FBXL3: variants seen among roughly 807,000 people sequenced by gnomAD.
The protein encoded by FBXL3 is F-box and leucine rich repeat protein 3.
In FBXL3, 14 loss-of-function variants were observed where a neutral mutation model predicts 37.9. The observed-to-expected ratio is 0.37, with a 90% CI of 0.24 to 0.58. The LOEUF (loss-of-function observed/expected upper bound fraction) is 0.58. Ranked by LOEUF, FBXL3 falls within the 20% of genes least tolerant of loss-of-function variation. The pLI is 0.74. For missense variants in FBXL3, 327 were observed against 511.1 expected, an observed-to-expected ratio of 0.64 and a Z score of 3.47; for synonymous variants, 194 against 180.1, an observed-to-expected ratio of 1.08 and a Z score of -0.62.
In FBXL3 at chr13:77,027,121, GC is replaced by G. The variant is rs2034860283; in HGVS notation, c.-297del. 1 of 151,716 alleles carries G rather than the reference GC, an allele frequency of 6.6e-6. No individual in the cohort carries two copies. Among genetic ancestry groups the G allele is most frequent in the African/African-American group, 2.4e-5 (1 of 41,322 alleles). The allele number at this position is 151,716 out of a possible 1,614,324, so 9.4% of individuals were successfully genotyped here. Reference sequence around the variant, plus strand: ...ACTACCTCAGCGAGCGGCTGCCACCGCGTAAGCTTCCTGCACCTGGGCCACA... The same window carrying G: ...ACTACCTCAGCGAGCGGCTGCCACCGGTAAGCTTCCTGCACCTGGGCCACA... On this transcript the variant is annotated 5_prime_UTR_variant, in exon 1 of 5. Transcript: ENST00000355619.
intron 4 of FBXL3, chr13:77,009,575 G>GAATGGC (rs2034511528): frequency 6.6e-6 from 1 of 152,214 alleles, no homozygotes; most frequent in Non-Finnish European, 1.5e-5. Context: ...ACGCCAGTTA[G>GAATGGC]AATGGCAATC....
At chr13:77,026,728 CCCCCACCCCA>C (rs971647506) in intron 1 of FBXL3, 89 bp downstream of exon 1, 8 of 128,502 alleles carry the variant, frequency 6.2e-5, no homozygotes, top group Non-Finnish European at 1.2e-4. Context: ...CCCGCGCCCC[CCCCCACCCCA>C]CCCCACCCCG....
chr13:77,024,596 T>TA (rs1402890640), intron 1 of FBXL3, among the ~76,000 whole-genome samples: 2 of 152,314 alleles, frequency 1.3e-5, no homozygotes, highest in East Asian at 3.9e-4. Flanking sequence ...GTCCTAAAAA[T>TA]AGAAACTTTC....
At position 77,006,931 on chromosome 13, in the gene FBXL3, C is replaced by A; in HGVS notation, c.*214G>T. 1 of 1,360,040 alleles carries A rather than the reference C, an allele frequency of 7.4e-7. No individual in the cohort carries two copies. The highest frequency in any genetic ancestry group is 2.0e-5 in the South Asian group (1 of 50,676). The allele number at this position is 1,360,040 out of a possible 1,614,324, so 84.2% of individuals were successfully genotyped here. On this transcript the variant is annotated 3_prime_UTR_variant, in exon 5 of 5. Coordinates refer to ENST00000355619, the MANE Select transcript of FBXL3 (RefSeq NM_012158.4). ...CATCCGAACCACATTAAAAAAAATTCGGAGATATGACTGCTATTACACTAA... is the reference window on the plus strand; with the variant it reads ...CATCCGAACCACATTAAAAAAAATTAGGAGATATGACTGCTATTACACTAA...
intron 2 of FBXL3, among the ~76,000 whole-genome samples, chr13:77,019,793 G>A (rs1387500017): frequency 6.6e-6 from 1 of 151,894 alleles, no homozygotes; most frequent in Non-Finnish European, 1.5e-5. Context: ...GAAGAATCCT[G>A]TGATGTGACT....
At chr13:77,020,534 T>C (rs968812859) in intron 2 of FBXL3, among the ~76,000 whole-genome samples, 6 of 152,008 alleles carry the variant, frequency 3.9e-5, no homozygotes. Flanking sequence ...TAAGAACTAC[T>C]GTTCTGCCTA....
At chr13:77,026,394 T>C (rs73539775) in intron 1 of FBXL3, 26,723 of 984,616 alleles carry the variant, frequency 0.027, 519 homozygotes, top group African/African-American at 0.099. Flanking sequence ...CCTGGGCAGT[T>C]TGCTTTGACA....
Position 77,006,161 on chromosome 13 carries a change from C to T in FBXL3, c.*984G>A, listed in dbSNP as rs1483740976. 4 of 152,578 alleles carry T rather than the reference C, an allele frequency of 2.6e-5. No homozygotes were observed. The highest frequency in any genetic ancestry group is 2.1e-4 in the South Asian group (1 of 4,826). The allele number at this position is 152,578 out of a possible 1,614,324, so 9.5% of individuals were successfully genotyped here. ...TTATGATTTTTAAAAATTTTACTTA[C>T]ATAACTATGTAATTCCAAAATAGAA... On this transcript the variant is annotated 3_prime_UTR_variant, in exon 5 of 5. Coordinates refer to ENST00000355619, the MANE Select transcript of FBXL3 (RefSeq NM_012158.4).
chr13:77,006,667 A>G lies in FBXL3; in HGVS notation c.*478T>C. 1 of 292,888 alleles carries G rather than the reference A, an allele frequency of 3.4e-6. No individual in the cohort carries two copies. Among genetic ancestry groups the G allele is most frequent in the Non-Finnish European group, 5.1e-6 (1 of 195,918 alleles). The allele number at this position is 292,888 out of a possible 1,614,324, so 18.1% of individuals were successfully genotyped here. On this transcript the variant is annotated 3_prime_UTR_variant, in exon 5 of 5. Transcript: ENST00000355619. ...TGAGAACATTCATCCAATCTTTTCC[A>G]TTAGATATGATATATTCATTTTTCT...
intron 4 of FBXL3, chr13:77,014,564 G>A (rs1486788546): frequency 1.3e-5 from 2 of 152,208 alleles, no homozygotes; most frequent in East Asian, 1.9e-4. Context: ...TTGGGAGAAT[G>A]AGCAAGCAAT....
chr13:77,026,030 G>T, intron 1 of FBXL3: 1 of 362,796 alleles, frequency 2.8e-6, no homozygotes, highest in Non-Finnish European at 3.8e-6. Context: ...GATAGTTGAT[G>T]GTATTTTTAT....
intron 2 of FBXL3, among the ~76,000 whole-genome samples, chr13:77,019,456 T>C (rs930078220): frequency 6.6e-5 from 10 of 152,216 alleles, no homozygotes; most frequent in African/African-American, 1.7e-4. Flanking sequence ...CAGATTCATA[T>C]ACACTACTTT....
At chr13:77,011,217 G>A (rs536021326) in intron 4 of FBXL3, among the ~76,000 whole-genome samples, 1 of 151,820 alleles carries the variant, frequency 6.6e-6, no homozygotes, top group Non-Finnish European at 1.5e-5. Flanking sequence ...GCGGGCACCT[G>A]TAATCCCAGC....
At chr13:77,026,305 T>C (rs545585554) in intron 1 of FBXL3, 83 of 985,458 alleles carry the variant, frequency 8.4e-5, no homozygotes, top group Admixed American at 6.1e-4. Context: ...TTCGCCTGGC[T>C]AAGCGGCAGG....
At chr13:77,017,339 T>C (rs1006005085) in intron 3 of FBXL3, 14 of 152,114 alleles carry the variant, frequency 9.2e-5, no homozygotes, top group Admixed American at 7.9e-4. Context: ...ACCATATGAG[T>C]CAGTATGTAT....
Position 77,009,911 on chromosome 13 carries a change from T to A in FBXL3, c.644-2123A>T, listed in dbSNP as rs574184683. ...AACATGGCACATATGCACCATGGAA[T>A]ACTATGCAGCCATAAAAAGGGATGA... On this transcript the variant is annotated intron_variant, in intron 4 of 4. Coordinates refer to ENST00000355619, the MANE Select transcript of FBXL3 (RefSeq NM_012158.4). The A allele has an allele frequency of 5.5e-4, 84 of 152,336 alleles. 2 individuals are homozygous for A. The highest frequency in any genetic ancestry group is 2.0e-3 in the African/African-American group (82 of 41,566). 9.4% of individuals were successfully genotyped at this position (152,336 alleles called of 1,614,324 possible).
chr13:77,011,137 C>T (rs549907703), intron 4 of FBXL3, among the ~76,000 whole-genome samples: 2 of 151,832 alleles, frequency 1.3e-5, no homozygotes, highest in Non-Finnish European at 1.5e-5. Context: ...GTCAGAAGTT[C>T]GCGACCAGCC....
chr13:77,011,835 T>A (rs367853377), intron 4 of FBXL3, among the ~76,000 whole-genome samples: 1 of 151,736 alleles, frequency 6.6e-6, no homozygotes, highest in Non-Finnish European at 1.5e-5. Context: ...GACAAATAAG[T>A]GTTAGAAGAC....
intron 4 of FBXL3, chr13:77,015,185 G>T: frequency 3.0e-6 from 1 of 328,972 alleles, no homozygotes; most frequent in Middle Eastern, 8.1e-4. Flanking sequence ...TCTAGCATGT[G>T]CTATTCATAA....
Sources: allele counts gnomAD v4.1 joint callset (sites outside exome capture counted in the v4.1 genomes callset), GRCh38; gene constraint gnomAD v4.1.1; transcripts MANE v1.5; gene names NCBI Gene and HGNC (gene_info 2026-07-23, HGNC 2026-07-21).